Variants in DACH1 observed in about 807,000 individuals in gnomAD.
DACH1 encodes the protein dachshund homolog 1.
DACH1 carries 12 observed loss-of-function variants against 54.2 expected under a neutral mutation model. The observed-to-expected ratio is 0.22, with a 90% CI of 0.14 to 0.36. The LOEUF is 0.36. Ranked by LOEUF, DACH1 falls within the 10% of genes least tolerant of loss-of-function variation. The probability of loss-of-function intolerance (pLI) is 1.00; values close to 1 mark genes in which losing one functional copy is unlikely to be tolerated. For missense variants in DACH1, 805 were observed against 929.8 expected, an observed-to-expected ratio of 0.87 and a Z score of 1.75; for synonymous variants, 386 against 366.2, an observed-to-expected ratio of 1.05 and a Z score of -0.62.
chr13:71,693,844 A>T (rs1301097489), intron 1 of DACH1, among the ~76,000 whole-genome samples: 1 of 152,188 alleles, frequency 6.6e-6, no homozygotes, highest in Non-Finnish European at 1.5e-5. Flanking sequence ...GAAAAAATAC[A>T]GCATATATAA....
intron 6 of DACH1, among the ~76,000 whole-genome samples, chr13:71,517,522 C>T (rs1418851664): frequency 2.0e-5 from 3 of 151,854 alleles, no homozygotes; most frequent in Admixed American, 2.0e-4. Flanking sequence ...TTCTAGACTA[C>T]ATTATCTTTC....
At chr13:71,759,404 T>A (rs1019664569) in intron 1 of DACH1, among the ~76,000 whole-genome samples, 1 of 152,172 alleles carries the variant, frequency 6.6e-6, no homozygotes, top group Non-Finnish European at 1.5e-5. Context: ...CTCACTATTA[T>A]TAAGTGTCAT....
intron 2 of DACH1, among the ~76,000 whole-genome samples, chr13:71,665,088 A>T (rs1230002284): frequency 6.6e-6 from 1 of 152,048 alleles, no homozygotes; most frequent in African/African-American, 2.4e-5. Flanking sequence ...AGGGTAAAGT[A>T]GCATGCTTGG....
chr13:71,702,349 G>A (rs1882181606), intron 1 of DACH1, among the ~76,000 whole-genome samples: 1 of 152,052 alleles, frequency 6.6e-6, no homozygotes, highest in Admixed American at 6.6e-5. Context: ...TCCTTGATTA[G>A]CTTGAAGTAC....
chr13:71,799,284 C>T (rs548374019), intron 1 of DACH1, among the ~76,000 whole-genome samples: 6 of 152,022 alleles, frequency 3.9e-5, no homozygotes, highest in Non-Finnish European at 5.9e-5. Context: ...TCTTATTTTA[C>T]GGCATTGAAT....
At chr13:71,769,858 A>G (rs1885782819) in intron 1 of DACH1, among the ~76,000 whole-genome samples, 1 of 151,672 alleles carries the variant, frequency 6.6e-6, no homozygotes, top group Non-Finnish European at 1.5e-5. Context: ...TTTCACAAAA[A>G]GCAGATGATT....
intron 1 of DACH1, among the ~76,000 whole-genome samples, chr13:71,706,023 G>A (rs1168908996): frequency 1.3e-5 from 2 of 151,526 alleles, no homozygotes; most frequent in Admixed American, 1.3e-4. Context: ...TATCAATCAA[G>A]AAATCTAGTG....
intron 1 of DACH1, among the ~76,000 whole-genome samples, chr13:71,849,282 T>G (rs1170018855): frequency 1.3e-5 from 2 of 152,182 alleles, no homozygotes; most frequent in African/African-American, 4.8e-5. Flanking sequence ...AACTAACTAC[T>G]TTACACACCA....
intron 7 of DACH1, among the ~76,000 whole-genome samples, chr13:71,486,891 C>A (rs1247160273): frequency 6.6e-6 from 1 of 151,944 alleles, no homozygotes; most frequent in African/African-American, 2.4e-5. Flanking sequence ...GATGCCCAGG[C>A]TGGAGTGTGG....
intron 6 of DACH1, among the ~76,000 whole-genome samples, chr13:71,544,966 T>A (rs1405572831): frequency 6.6e-6 from 1 of 152,026 alleles, no homozygotes. Context: ...AGCCCTAGAT[T>A]ACTGCATCAT....
chr13:71,851,241 T>A (rs1224155542), intron 1 of DACH1, among the ~76,000 whole-genome samples: 7 of 152,238 alleles, frequency 4.6e-5, no homozygotes, highest in African/African-American at 1.7e-4. Flanking sequence ...TTCTCCTGAT[T>A]TAGGTTTTTG....
intron 2 of DACH1, among the ~76,000 whole-genome samples, chr13:71,649,137 C>T (rs1382534392): frequency 1.3e-5 from 2 of 152,098 alleles, no homozygotes; most frequent in Non-Finnish European, 2.9e-5. Context: ...TACACAAATA[C>T]CATTGTATTA....
At chr13:71,562,387 C>T (rs1351231801) in intron 4 of DACH1, among the ~76,000 whole-genome samples, 1 of 151,820 alleles carries the variant, frequency 6.6e-6, no homozygotes. Context: ...GAGAAAGAGA[C>T]AGAGAGAAGA....
rs751513415 is a variant in DACH1, at chr13:71,866,311, ACTGCTG to A, written c.453_458del (p.Ser162_Ser163del). ...TGCTGCTACTGCTGCTGCTGCTACTACTGCTGCTGCTGCTGCTGCTGCTACTGCTGC... is the reference window on the plus strand; with the variant it reads ...TGCTGCTACTGCTGCTGCTGCTACTACTGCTGCTGCTGCTGCTACTGCTGC... On this transcript the variant is annotated inframe_deletion, in exon 1 of 11. Transcript: ENST00000613252. 11 of 1,541,448 alleles carry A rather than the reference ACTGCTG, an allele frequency of 7.1e-6. No homozygotes were observed. The Admixed American group carries it at 9.8e-5, about 14-fold the overall frequency.
At chr13:71,772,571 A>G (rs1330279311) in intron 1 of DACH1, among the ~76,000 whole-genome samples, 1 of 151,698 alleles carries the variant, frequency 6.6e-6, no homozygotes, top group African/African-American at 2.4e-5. Context: ...TGCTATTTTA[A>G]TCATTACTTA....
intron 2 of DACH1, among the ~76,000 whole-genome samples, chr13:71,663,420 A>C (rs1015915515): frequency 6.6e-6 from 1 of 152,016 alleles, no homozygotes; most frequent in African/African-American, 2.4e-5. Context: ...TTGAAAAGAC[A>C]GACAATTCAA....
chr13:71,854,801 T>A (rs1350316506), intron 1 of DACH1, among the ~76,000 whole-genome samples: 2 of 151,960 alleles, frequency 1.3e-5, no homozygotes, highest in African/African-American at 2.4e-5. Context: ...TAAATGAAAT[T>A]AGGTATATAA....
intron 1 of DACH1, among the ~76,000 whole-genome samples, chr13:71,742,345 T>C (rs1208192252): frequency 6.6e-6 from 1 of 152,180 alleles, no homozygotes; most frequent in Non-Finnish European, 1.5e-5. Flanking sequence ...ATTTAATTTG[T>C]TACTAATTTT....
chr13:71,820,437 G>A (rs1888142313), intron 1 of DACH1, among the ~76,000 whole-genome samples: 1 of 152,156 alleles, frequency 6.6e-6, no homozygotes. Context: ...TCTATCTAAA[G>A]CCTTGACCAG....
Sources: allele counts gnomAD v4.1 joint callset (sites outside exome capture counted in the v4.1 genomes callset), GRCh38; gene constraint gnomAD v4.1.1; transcripts MANE v1.5; gene names NCBI Gene and HGNC (gene_info 2026-07-23, HGNC 2026-07-21).